ZNF438: variants seen among roughly 807,000 people sequenced by gnomAD.
ZNF438 encodes the protein zinc finger protein 438.
In ZNF438, 25 loss-of-function variants were observed where a neutral mutation model predicts 38.0. That is an observed-to-expected ratio of 0.66 (90% confidence interval 0.48 to 0.92). The LOEUF (loss-of-function observed/expected upper bound fraction) is 0.92, where lower values mean the gene tolerates loss of function less well. ZNF438 is among the 40% of genes least tolerant of loss of function. The pLI is 0.00. For missense variants in ZNF438, 1,007 were observed against 999.6 expected (o/e 1.01, Z -0.10); for synonymous variants, 372 against 364.1 (o/e 1.02, Z -0.25).
intron 1 of ZNF438, among the ~76,000 whole-genome samples, chr10:31,024,746 A>C (rs1400373580): frequency 1.3e-5 from 2 of 152,252 alleles, no homozygotes; most frequent in African/African-American, 2.4e-5. Flanking sequence ...AATAGTGAGG[A>C]TAATGCATGC....
intron 1 of ZNF438, among the ~76,000 whole-genome samples, chr10:30,944,010 T>C (rs1399200401): frequency 6.6e-6 from 1 of 152,124 alleles, no homozygotes; most frequent in East Asian, 1.9e-4. Context: ...CCAAATGACA[T>C]AAGGAACTGA....
intron 4 of ZNF438, 74 bp downstream of exon 5, chr10:30,876,924 G>C: frequency 8.7e-7 from 1 of 1,148,070 alleles, no homozygotes; most frequent in Non-Finnish European, 1.2e-6. Context: ...TATGATTAGA[G>C]GTCAATGACA....
chr10:30,856,591 T>C (rs931132404), intron 4 of ZNF438, among the ~76,000 whole-genome samples: 1 of 152,176 alleles, frequency 6.6e-6, no homozygotes, highest in Non-Finnish European at 1.5e-5. Flanking sequence ...CTGCACCCAC[T>C]AAATTACAGA....
chr10:30,927,973 A>T (rs1193898101), intron 2 of ZNF438, among the ~76,000 whole-genome samples: 1 of 152,202 alleles, frequency 6.6e-6, no homozygotes, highest in African/African-American at 2.4e-5. Flanking sequence ...AAGAAGTTAC[A>T]TTGGCAAGAA....
At chr10:30,885,369 A>T (rs1010819499) in intron 3 of ZNF438, among the ~76,000 whole-genome samples, 4 of 152,170 alleles carry the variant, frequency 2.6e-5, no homozygotes, top group Admixed American at 1.3e-4. Flanking sequence ...ATCACACAAG[A>T]TCTTATTTTC....
intron 1 of ZNF438, among the ~76,000 whole-genome samples, chr10:30,944,613 G>T (rs1465336409): frequency 1.3e-5 from 2 of 152,148 alleles, no homozygotes; most frequent in African/African-American, 4.8e-5. Flanking sequence ...CACTAGAGGT[G>T]GGGAGATTTC....
chr10:30,857,508 G>T (rs1168583205), intron 4 of ZNF438, among the ~76,000 whole-genome samples: 1 of 152,112 alleles, frequency 6.6e-6, no homozygotes, highest in African/African-American at 2.4e-5. Flanking sequence ...ACCCGCCTTG[G>T]CCTCCCAAAG....
intron 2 of ZNF438, among the ~76,000 whole-genome samples, chr10:30,931,815 CTA>C (rs2045731355): frequency 6.6e-6 from 1 of 152,124 alleles, no homozygotes; most frequent in South Asian, 2.1e-4. Context: ...TATGTAAAGT[CTA>C]TGTGGAAAAA....
intron 1 of ZNF438, among the ~76,000 whole-genome samples, chr10:30,982,185 T>G (rs1313564607): frequency 6.6e-6 from 1 of 151,196 alleles, no homozygotes; most frequent in East Asian, 2.0e-4. Context: ...CACTGCGAAC[T>G]CCGCCTCCCG....
At chr10:31,014,887 G>C (rs989242109) in intron 1 of ZNF438, among the ~76,000 whole-genome samples, 1 of 151,706 alleles carries the variant, frequency 6.6e-6, no homozygotes, top group African/African-American at 2.4e-5. Context: ...TATTTATTTA[G>C]AGACAGAGTC....
chr10:30,849,120 T>C (rs769157340), exon 5 of ZNF438: 2 of 1,613,644 alleles, frequency 1.2e-6, no homozygotes, highest in East Asian at 4.5e-5. Flanking sequence ...TTTTTCAGGG[T>C]CCCCAGCTTT....
At chr10:30,887,961 G>A (rs986144208) in intron 3 of ZNF438, among the ~76,000 whole-genome samples, 1 of 152,122 alleles carries the variant, frequency 6.6e-6, no homozygotes, top group African/African-American at 2.4e-5. Flanking sequence ...ATGTGTATCA[G>A]TAGACCATTC....
At chr10:30,959,563 C>T (rs567195405) in intron 1 of ZNF438, among the ~76,000 whole-genome samples, 1 of 133,032 alleles carries the variant, frequency 7.5e-6, no homozygotes, top group African/African-American at 2.6e-5. Flanking sequence ...ACGGTGAAAC[C>T]CCGTCTCTAC....
chr10:30,976,155 C>T (rs944088262), intron 1 of ZNF438, among the ~76,000 whole-genome samples: 6 of 151,668 alleles, frequency 4.0e-5, no homozygotes, highest in African/African-American at 1.5e-4. Flanking sequence ...ATCAAAACAG[C>T]AAAAAATCCA....
chr10:30,846,964 C>T (rs1265909850), intron 5 of ZNF438, among the ~76,000 whole-genome samples: 1 of 152,208 alleles, frequency 6.6e-6, no homozygotes, highest in Non-Finnish European at 1.5e-5. Flanking sequence ...ATGCCCACCT[C>T]CTACCCCATT....
At chr10:30,847,171 A>G (rs1466165485) in intron 5 of ZNF438, among the ~76,000 whole-genome samples, 1 of 152,186 alleles carries the variant, frequency 6.6e-6, no homozygotes, top group South Asian at 2.1e-4. Context: ...AAGCCAGAGA[A>G]GCCCTGAAGC....
At chr10:31,010,751 C>T (rs1331867028) in intron 1 of ZNF438, among the ~76,000 whole-genome samples, 3 of 151,568 alleles carry the variant, frequency 2.0e-5, no homozygotes, top group Admixed American at 1.3e-4. Context: ...TAGCTGGGCA[C>T]GGTAGCACAC....
In ZNF438 at chr10:30,930,159, G is replaced by A. The variant is rs529359327; in HGVS notation, c.-115+11416C>T. On this transcript the variant is annotated intron_variant, in intron 2 of 5. Transcript: ENST00000413025. Reference sequence around the variant, plus strand: ...TGGCAGGAGCCCATTTGGTGGGGGCGGGGGTGGGGGGGGAGTGCGGGGCTC... The same window carrying A: ...TGGCAGGAGCCCATTTGGTGGGGGCAGGGGTGGGGGGGGAGTGCGGGGCTC... Among the ~76,000 whole-genome samples the A allele has an allele frequency of 6.6e-5, 10 of 152,034 alleles. No individual in the cohort carries two copies. In the South Asian group the frequency reaches 8.3e-4, roughly 13 times the overall value.
intron 4 of ZNF438, chr10:30,857,538 A>T (rs910775781): frequency 1.5e-5 from 9 of 595,648 alleles, no homozygotes; most frequent in Non-Finnish European, 2.5e-5. Context: ...TACAGGTATG[A>T]GCCACCCCAT....
Sources: allele counts gnomAD v4.1 joint callset (sites outside exome capture counted in the v4.1 genomes callset), GRCh38; gene constraint gnomAD v4.1.1; transcripts MANE v1.5; gene names NCBI Gene and HGNC (gene_info 2026-07-23, HGNC 2026-07-21).